GRM1: variants seen among roughly 807,000 people sequenced by gnomAD.
GRM1 encodes metabotropic glutamate receptor 1.
A neutral mutation model predicts 90.9 loss-of-function variants in GRM1; 33 were observed. The observed-to-expected ratio is 0.36, with a 90% confidence interval of 0.28 to 0.49. The LOEUF (loss-of-function observed/expected upper bound fraction) is 0.49, where lower values mean the gene tolerates loss of function less well. GRM1 is among the 20% of genes least tolerant of loss of function. GRM1 has a pLI of 0.99. For synonymous variants in GRM1, 700 were observed against 613.2 expected, an observed-to-expected ratio of 1.14 and a Z score of -2.09; for missense variants, 1,190 against 1,534.3, an observed-to-expected ratio of 0.78 and a Z score of 3.75.
intron 3 of GRM1, among the ~76,000 whole-genome samples, chr6:146,348,553 GA>G (rs1785263058): frequency 6.6e-6 from 1 of 152,214 alleles, no homozygotes; most frequent in Non-Finnish European, 1.5e-5. Context: ...ACTCACTTCA[GA>G]TGGACACAAA....
At chr6:146,296,780 C>G (rs920475307) in intron 2 of GRM1, among the ~76,000 whole-genome samples, 4 of 152,198 alleles carry the variant, frequency 2.6e-5, no homozygotes, top group African/African-American at 9.7e-5. Context: ...TCCTTTATTA[C>G]TTTTTCTACC....
At chr6:146,364,100 G>A (rs145022064) in intron 5 of GRM1, among the ~76,000 whole-genome samples, 1 of 152,164 alleles carries the variant, frequency 6.6e-6, no homozygotes, top group Admixed American at 6.6e-5. Flanking sequence ...AATCATGCTG[G>A]GTTGACGATT....
chr6:146,410,621 G>A (rs1328364988), intron 7 of GRM1, among the ~76,000 whole-genome samples: 1 of 152,078 alleles, frequency 6.6e-6, no homozygotes, highest in Non-Finnish European at 1.5e-5. Context: ...AGGCCTTGGA[G>A]GTAGGGAAGG....
At chr6:146,230,356 C>G (rs1562543611) in intron 2 of GRM1, among the ~76,000 whole-genome samples, 1 of 152,058 alleles carries the variant, frequency 6.6e-6, no homozygotes, top group Non-Finnish European at 1.5e-5. Flanking sequence ...GGCCAAAGGC[C>G]TTCATAGTCA....
At chr6:146,282,067 T>C (rs1782586844) in intron 2 of GRM1, among the ~76,000 whole-genome samples, 1 of 152,230 alleles carries the variant, frequency 6.6e-6, no homozygotes, top group African/African-American at 2.4e-5. Context: ...TTTAGGAAAT[T>C]TGAATGGGTC....
intron 2 of GRM1, among the ~76,000 whole-genome samples, chr6:146,163,484 T>A (rs774979610): frequency 1.3e-5 from 2 of 152,204 alleles, no homozygotes; most frequent in African/African-American, 2.4e-5. Flanking sequence ...GGTACTAATA[T>A]TATTCCCCTT....
At chr6:146,329,055 A>G (rs995288575) in intron 3 of GRM1, among the ~76,000 whole-genome samples, 1 of 152,160 alleles carries the variant, frequency 6.6e-6, no homozygotes, top group Non-Finnish European at 1.5e-5. Flanking sequence ...ACCATCTGTT[A>G]CCAGCACATC....
chr6:146,043,811 A>ATATATATAT (rs1554260501), intron 1 of GRM1, among the ~76,000 whole-genome samples: 10 of 145,562 alleles, frequency 6.9e-5, no homozygotes, highest in South Asian at 2.2e-4. Flanking sequence ...ATATATATAT[A>ATATATATAT]AAGGGAAGTG....
rs1324672316 is a variant in GRM1 at position 146,213,438 on chromosome 6, C to G, written c.950+53841C>G. ...AGATTTGCATTTTAGAAAAATCTCT[C>G]TGCTTGTAGTATAGATGACAGATTG... On this transcript the variant is annotated intron_variant, in intron 2 of 7. Coordinates refer to ENST00000282753, the MANE Select transcript of GRM1 (RefSeq NM_001278064.2). Among the ~76,000 whole-genome samples the G allele has an allele frequency of 2.0e-5, 3 of 152,222 alleles. No homozygotes were observed. The East Asian group carries it at 5.8e-4, about 29-fold the overall frequency.
intron 2 of GRM1, among the ~76,000 whole-genome samples, chr6:146,209,575 G>A (rs1277420375): frequency 1.3e-5 from 2 of 152,104 alleles, no homozygotes; most frequent in African/African-American, 4.8e-5. Context: ...ATTATGTATA[G>A]ATTTGAAAGA....
At chr6:146,338,454 C>A (rs913138592) in intron 3 of GRM1, among the ~76,000 whole-genome samples, 5 of 152,242 alleles carry the variant, frequency 3.3e-5, no homozygotes, top group Admixed American at 6.5e-5. Flanking sequence ...ACTTTGCTTT[C>A]TTTGCCTCCA....
chr6:146,205,950 C>G (rs114384545), intron 2 of GRM1, among the ~76,000 whole-genome samples: 159 of 152,276 alleles, frequency 1.0e-3, no homozygotes, highest in African/African-American at 3.7e-3. Flanking sequence ...GGTCCACTAG[C>G]AGGCAGCATC....
chr6:146,203,899 T>A (rs572531806), intron 2 of GRM1, among the ~76,000 whole-genome samples: 2 of 152,252 alleles, frequency 1.3e-5, no homozygotes, highest in African/African-American at 4.8e-5. Context: ...GCTAATTCCC[T>A]TATCCTTTGG....
chr6:146,202,815 T>C (rs1230988127), intron 2 of GRM1, among the ~76,000 whole-genome samples: 1 of 152,210 alleles, frequency 6.6e-6, no homozygotes, highest in Non-Finnish European at 1.5e-5. Context: ...CAGAAAACTT[T>C]TTAAAAATTA....
chr6:146,262,047 A>C (rs902070389), intron 2 of GRM1, among the ~76,000 whole-genome samples: 1 of 150,454 alleles, frequency 6.6e-6, no homozygotes, highest in Admixed American at 6.6e-5. Flanking sequence ...AATATCTAGG[A>C]ATTTCAAAAC....
chr6:146,372,977 A>G (rs1003843791), intron 5 of GRM1, among the ~76,000 whole-genome samples: 1 of 152,042 alleles, frequency 6.6e-6, no homozygotes, highest in Non-Finnish European at 1.5e-5. Flanking sequence ...AAACTTTAGG[A>G]TAGTTTTTTC....
chr6:146,318,904 T>G (rs1784072221), intron 3 of GRM1, among the ~76,000 whole-genome samples: 2 of 152,222 alleles, frequency 1.3e-5, no homozygotes, highest in Non-Finnish European at 2.9e-5. Flanking sequence ...ATTAGCCCTT[T>G]GTCAGATGGA....
At chr6:146,076,881 A>C (rs1225576806) in intron 1 of GRM1, among the ~76,000 whole-genome samples, 1 of 152,024 alleles carries the variant, frequency 6.6e-6, no homozygotes, top group Non-Finnish European at 1.5e-5. Context: ...AGGCTGTGTT[A>C]TCCCTGCGTA....
chr6:146,200,784 C>A (rs1343663827), intron 2 of GRM1, among the ~76,000 whole-genome samples: 1 of 152,002 alleles, frequency 6.6e-6, no homozygotes, highest in Non-Finnish European at 1.5e-5. Flanking sequence ...CAATGCAAAT[C>A]TGAAATCTGT....
Sources: allele counts gnomAD v4.1 joint callset (sites outside exome capture counted in the v4.1 genomes callset), GRCh38; gene constraint gnomAD v4.1.1; transcripts MANE v1.5; gene names NCBI Gene and HGNC (gene_info 2026-07-23, HGNC 2026-07-21).